Variants in TECTA observed in about 807,000 individuals in gnomAD.
TECTA encodes the protein tectorin alpha, also known as alpha-tectorin.
A neutral mutation model predicts 216.8 loss-of-function variants in TECTA; 128 were observed. The ratio of observed to expected loss-of-function variants is 0.59; its 90% CI spans 0.51 to 0.68. The LOEUF is 0.68. Ranked by LOEUF, TECTA falls within the 30% of genes least tolerant of loss-of-function variation. The pLI, the probability that TECTA is intolerant of heterozygous loss-of-function variation, is 0.00. For synonymous variants in TECTA, 1,089 were observed against 1,117.1 expected (o/e 0.97, Z 0.50); for missense variants, 2,551 against 2,786.2 (o/e 0.92, Z 1.90).
intron 20 of TECTA, among the ~76,000 whole-genome samples, chr11:121,183,726 A>G (rs1461478095): frequency 6.6e-6 from 1 of 151,902 alleles, no homozygotes. Context: ...ACTCCATCTC[A>G]AAAAAAATAA....
In TECTA at chr11:121,113,768, T is replaced by C. The variant is rs1291935451; in HGVS notation, c.790+50T>C. 5.0e-6 allele frequency: 8 copies of C among 1,609,348 alleles called. No homozygotes were observed. The highest frequency in any genetic ancestry group is 2.7e-5 in the African/African-American group (2 of 74,812). On this transcript the variant is annotated intron_variant, in intron 6 of 23. Coordinates refer to ENST00000392793, the MANE Select transcript of TECTA (RefSeq NM_005422.4). This position sits in a 1 kb window ranked among gnomAD's most constrained non-coding sequence, Gnocchi z 4.2. ...CAAGGCAGGGTTTGTTTAGTGTAGA[T>C]TGACAGGCAAGCTTTTAAGCCACGG...
At position 121,113,624 on chromosome 11, in the gene TECTA, T is replaced by C. The variant is rs149758927; in HGVS notation, c.696T>C (p.Asn232=). 1.8e-5 allele frequency: 29 copies of C among 1,613,862 alleles called. No homozygotes were observed. The African/African-American group carries it at 3.7e-4, about 21-fold the overall frequency. The change falls in exon 6 of 24, where the codon AAT becomes AAC. Residue 232 remains asparagine (N), a synonymous_variant. Coordinates refer to ENST00000392793, the MANE Select transcript of TECTA (RefSeq NM_005422.4). The surrounding 1 kb of genome is among the most constrained non-coding windows in gnomAD (Gnocchi z 4.2). ...GGTCAAGAACCCCCGAGATCGTGAA[T>C]ATCCAGGAGACCACAAACGTCAATG... ...LPGSRTPEIV[N]IQETTNVNVP...
chr11:121,156,411 T>C (rs1042187364), intron 13 of TECTA, among the ~76,000 whole-genome samples: 2 of 152,236 alleles, frequency 1.3e-5, no homozygotes, highest in African/African-American at 4.8e-5. Context: ...TGGCACGATC[T>C]AGGCTCACGG....
intron 11 of TECTA, among the ~76,000 whole-genome samples, chr11:121,143,167 T>A (rs1386113264): frequency 6.6e-6 from 1 of 152,166 alleles, no homozygotes; most frequent in Non-Finnish European, 1.5e-5. Flanking sequence ...TTTTGCAGGG[T>A]TTATCTCTTG....
rs1946518831 is a variant in TECTA, at chr11:121,118,246, A to G, written c.791-60A>G. On this transcript the variant is annotated intron_variant, in intron 6 of 23. Coordinates refer to ENST00000392793, the MANE Select transcript of TECTA (RefSeq NM_005422.4). ...TAATGGAAGTAAAGCATTTAGCCCA[A>G]TGCCTGGCACAGAGGGGAAATGCTC... 14 of 1,603,108 alleles carry G rather than the reference A, an allele frequency of 8.7e-6. No individual in the cohort carries two copies. In the South Asian group the frequency reaches 1.5e-4, roughly 17 times the overall value.
At chr11:121,111,633 T>C (rs1446767356) in intron 4 of TECTA, among the ~76,000 whole-genome samples, 1 of 152,196 alleles carries the variant, frequency 6.6e-6, no homozygotes, top group Non-Finnish European at 1.5e-5. Flanking sequence ...CCAGCTTCAC[T>C]GTGGGAGAAG....
At chr11:121,147,078 G>A (rs992047565) in intron 12 of TECTA, among the ~76,000 whole-genome samples, 6 of 152,076 alleles carry the variant, frequency 3.9e-5, no homozygotes, top group South Asian at 2.1e-4. Context: ...GGAAAAACTT[G>A]TGGGGGTGGG....
At chr11:121,104,877 A>G (rs186536150) in intron 2 of TECTA, among the ~76,000 whole-genome samples, 5 of 152,286 alleles carry the variant, frequency 3.3e-5, no homozygotes, top group East Asian at 1.9e-4. Context: ...GGAGAAAACG[A>G]TAGTGTCCTA....
At chr11:121,151,468 A>T (rs1946888837) in intron 12 of TECTA, among the ~76,000 whole-genome samples, 1 of 152,256 alleles carries the variant, frequency 6.6e-6, no homozygotes, top group Non-Finnish European at 1.5e-5. Context: ...CAATGAGCAG[A>T]AATGTGTATA....
At chr11:121,152,780 C>G (rs1946902811) in intron 12 of TECTA, 101 bp from the exon 13 acceptor site, 3 of 1,269,400 alleles carry the variant, frequency 2.4e-6, no homozygotes. Flanking sequence ...CTGCCTCTCC[C>G]CGTGCCTTTC....
chr11:121,160,304 G>A lies in TECTA; in HGVS notation c.4859G>A (p.Gly1620Asp). 6.2e-7 allele frequency: 1 copy of A among 1,614,220 alleles called. No individual in the cohort carries two copies. Among genetic ancestry groups the A allele is most frequent in the Non-Finnish European group, 8.5e-7 (1 of 1,180,046 alleles). The change falls in exon 15 of 24, where the codon GGT (glycine) becomes GAT (aspartate). Residue 1620 changes from glycine (G) to aspartate (D), a missense_variant. Gly to Asp is a moderately conservative substitution (Grantham distance 94). Transcript: ENST00000392793. Reference protein sequence around the residue: ...ISERLQNKVCGLCGNFNGDLT... With the variant: ...ISERLQNKVCDLCGNFNGDLT... The stretch of plus-strand genomic sequence containing the variant: ...GAGAGGCTGCAGAACAAAGTGTGCG[G>A]TCTCTGTGGCAACTTCAACGGGGAC...
At position 121,165,301 on chromosome 11, in the gene TECTA, G is replaced by A. The variant is rs143133132; in HGVS notation, c.5301G>A (p.Gly1767=). ...GAGTGGTTGAAGATCCCTGTGTGGG[G>A]GCGGACTGTCCCAACCGAACTTGCG... ...CSGVVEDPCV[G]ADCPNRTCEL... The change falls in exon 17 of 24, where the codon GGG becomes GGA. Residue 1767 remains glycine, a synonymous_variant. Transcript: ENST00000392793. 1.9e-6 allele frequency: 3 copies of A among 1,607,924 alleles called. No homozygotes were observed. The highest frequency in any genetic ancestry group is 2.2e-5 in the East Asian group (1 of 44,790).
chr11:121,161,540 T>TCCTTC (rs200370805), intron 15 of TECTA, among the ~76,000 whole-genome samples: 9 of 4,692 alleles, frequency 1.9e-3, no homozygotes, highest in African/African-American at 4.3e-3. Context: ...CTTCCCTCCC[T>TCCTTC]CCTTCCCTTC....
intron 21 of TECTA, 91 bp downstream of exon 21, chr11:121,188,085 C>A: frequency 7.1e-7 from 1 of 1,406,010 alleles, no homozygotes; most frequent in Non-Finnish European, 1.0e-6. Flanking sequence ...GGTGACCGGA[C>A]TGGAATCATC....
chr11:121,191,274 C>G lies in TECTA; in HGVS notation c.*468C>G. The G allele has an allele frequency of 4.0e-6, 1 of 253,072 alleles. No homozygotes were observed. Among genetic ancestry groups the G allele is most frequent in the Non-Finnish European group, 7.7e-6 (1 of 130,606 alleles). 15.7% of individuals were successfully genotyped at this position (253,072 alleles called of 1,614,324 possible). A position where few individuals can be genotyped will look rare whatever the true frequency, so the allele number is the denominator to read the frequency against. The stretch of plus-strand genomic sequence containing the variant: ...TTGCTGGTGTTTGGAAGTGTCCGAT[C>G]TACGTTATGCACGTGTTCTGTCTAT... On this transcript the variant is annotated 3_prime_UTR_variant, in exon 24 of 24. Coordinates refer to ENST00000392793, the MANE Select transcript of TECTA (RefSeq NM_005422.4).
chr11:121,152,944 C>T lies in TECTA; in HGVS notation c.4169C>T (p.Ala1390Val), dbSNP rs1946905410. ...GTGAGTGTCTGCCAGCCCCGCTGCG[C>T]CGCCATCCGCCTGAAGAGTGACTGC... ...SCVSVCQPRC[A>V]AIRLKSDCSH... The change falls in exon 13 of 24, where the codon GCC becomes GTC. Residue 1390 changes from alanine (A) to valine (V), a missense_variant. Physicochemically the swap from Ala to Val is moderately conservative, Grantham distance 64. Transcript: ENST00000392793. The T allele has an allele frequency of 1.2e-6, 2 of 1,613,288 alleles. No individual in the cohort carries two copies. Among genetic ancestry groups the T allele is most frequent in the East Asian group, 4.5e-5 (2 of 44,858 alleles).
At chr11:121,166,548 A>T (rs1159447575) in intron 17 of TECTA, 30 bp from the exon 18 acceptor site, 1 of 1,613,086 alleles carries the variant, frequency 6.2e-7, no homozygotes, top group Non-Finnish European at 8.5e-7. Flanking sequence ...GACTCCACTG[A>T]TTTGCCTTTC....
intron 13 of TECTA, among the ~76,000 whole-genome samples, chr11:121,155,221 T>C (rs900497567): frequency 1.3e-5 from 2 of 152,254 alleles, no homozygotes; most frequent in African/African-American, 4.8e-5. Flanking sequence ...AAAGCAGCGT[T>C]GGGCCAGCCA....
chr11:121,115,868 G>C (rs1487666818), intron 6 of TECTA, among the ~76,000 whole-genome samples: 2 of 152,042 alleles, frequency 1.3e-5, no homozygotes, highest in Non-Finnish European at 2.9e-5. Context: ...TGTTGCCCAG[G>C]CTGGTCTCAA....
Sources: gnomAD v4.1 joint callset for allele counts (sites outside exome capture counted in the v4.1 genomes callset) on GRCh38, gnomAD v4.1.1 for gene constraint, Gnocchi (gnomAD v3.1) non-coding constraint, MANE v1.5 for transcripts, NCBI Gene and HGNC (gene_info 2026-07-23, HGNC 2026-07-21) for gene names.